NRG3: variants seen among roughly 807,000 people sequenced by gnomAD.
The protein encoded by NRG3 is pro-neuregulin-3, membrane-bound isoform.
In NRG3, 31 loss-of-function variants were observed where a neutral mutation model predicts 66.9. The observed-to-expected ratio is 0.46, with a 90% CI of 0.35 to 0.63. The LOEUF is 0.63. Ranked by LOEUF, NRG3 falls within the 20% of genes least tolerant of loss-of-function variation. NRG3 has a pLI of 0.00. For missense variants in NRG3, 910 were observed against 878.9 expected (o/e 1.04, Z -0.45); for synonymous variants, 393 against 359.4 (o/e 1.09, Z -1.06).
intron 1 of NRG3, among the ~76,000 whole-genome samples, chr10:82,346,814 A>G (rs2083058335): frequency 6.6e-6 from 1 of 152,016 alleles, no homozygotes; most frequent in Non-Finnish European, 1.5e-5. Flanking sequence ...GTGTCAAGGA[A>G]TTTATCCATT....
chr10:82,568,305 C>G (rs1408669405), intron 2 of NRG3, among the ~76,000 whole-genome samples: 4 of 151,872 alleles, frequency 2.6e-5, no homozygotes, highest in African/African-American at 9.7e-5. Flanking sequence ...TTAGTGTGAG[C>G]TACCTATCAG....
intron 2 of NRG3, among the ~76,000 whole-genome samples, chr10:82,674,786 C>T (rs2053550073): frequency 6.6e-6 from 1 of 151,574 alleles, no homozygotes; most frequent in Non-Finnish European, 1.5e-5. Context: ...ATTCTTTAAC[C>T]ACCTGATGGG....
intron 1 of NRG3, among the ~76,000 whole-genome samples, chr10:82,091,323 C>G (rs1036660366): frequency 6.6e-6 from 1 of 152,154 alleles, no homozygotes; most frequent in South Asian, 2.1e-4. Flanking sequence ...CCTTCTCCTC[C>G]TCCTCATGCC....
intron 1 of NRG3, among the ~76,000 whole-genome samples, chr10:82,142,766 C>CTT (rs3036609): frequency 0.14 from 15,522 of 110,550 alleles, 1,739 homozygotes; most frequent in African/African-American, 0.18. Flanking sequence ...CTCTCTCGCT[C>CTT]TTTTTTTTTT....
chr10:82,517,663 GTGTGTGCA>G (rs1244301335), intron 2 of NRG3, among the ~76,000 whole-genome samples: 2 of 122,516 alleles, frequency 1.6e-5, no homozygotes, highest in East Asian at 2.8e-4. Context: ...GTGTGTGTGT[GTGTGTGCA>G]TGTGTGTGTG....
chr10:82,613,762 G>A (rs1231146826), intron 2 of NRG3, among the ~76,000 whole-genome samples: 1 of 151,226 alleles, frequency 6.6e-6, no homozygotes, highest in East Asian at 2.0e-4. Context: ...ATGTATACAT[G>A]TGCCACGCTG....
intron 2 of NRG3, among the ~76,000 whole-genome samples, chr10:82,633,026 T>C (rs1285380972): frequency 6.6e-6 from 1 of 152,206 alleles, no homozygotes; most frequent in African/African-American, 2.4e-5. Context: ...CACTCTGCCA[T>C]TGACAGGTTT....
intron 2 of NRG3, among the ~76,000 whole-genome samples, chr10:82,409,490 G>GA (rs2087883069): frequency 1.7e-5 from 1 of 59,542 alleles, no homozygotes; most frequent in African/African-American, 2.4e-4. Context: ...ATGAGTCTGA[G>GA]CTGGGTAGAA....
At chr10:82,560,813 G>A (rs1012660624) in intron 2 of NRG3, among the ~76,000 whole-genome samples, 7 of 151,402 alleles carry the variant, frequency 4.6e-5, no homozygotes, top group Non-Finnish European at 8.9e-5. Flanking sequence ...AATAAGAAAC[G>A]ACTGGTTTAT....
At chr10:82,871,300 A>G (rs1841318656) in intron 4 of NRG3, among the ~76,000 whole-genome samples, 1 of 150,788 alleles carries the variant, frequency 6.6e-6, no homozygotes, top group African/African-American at 2.4e-5. Context: ...TTTTTTTGCC[A>G]ATACTATACT....
At chr10:82,755,219 C>T (rs774385222) in intron 3 of NRG3, among the ~76,000 whole-genome samples, 1 of 152,004 alleles carries the variant, frequency 6.6e-6, no homozygotes, top group Non-Finnish European at 1.5e-5. Flanking sequence ...TGAAATAGAC[C>T]CTGTAGCCAG....
intron 1 of NRG3, among the ~76,000 whole-genome samples, chr10:82,076,465 AC>A (rs1366522320): frequency 5.3e-5 from 8 of 152,246 alleles, no homozygotes; most frequent in African/African-American, 1.9e-4. Context: ...TCAGGAATAA[AC>A]CTGTTGATAT....
intron 1 of NRG3, among the ~76,000 whole-genome samples, chr10:82,191,041 A>G (rs2074113521): frequency 6.6e-6 from 1 of 151,908 alleles, no homozygotes; most frequent in Non-Finnish European, 1.5e-5. Flanking sequence ...GTCACATGTC[A>G]CCCCCAGTCA....
At chr10:81,965,675 A>T (rs2059705221) in intron 1 of NRG3, among the ~76,000 whole-genome samples, 1 of 152,150 alleles carries the variant, frequency 6.6e-6, no homozygotes, top group Non-Finnish European at 1.5e-5. Context: ...GCTGATACAA[A>T]TGGGATCTTA....
intron 2 of NRG3, among the ~76,000 whole-genome samples, chr10:82,411,252 G>A (rs1436699486): frequency 6.6e-6 from 1 of 152,128 alleles, no homozygotes; most frequent in East Asian, 1.9e-4. Context: ...TATTTATAAG[G>A]AGGAAAGGAA....
At chr10:82,719,918 G>A (rs573245865) in intron 2 of NRG3, among the ~76,000 whole-genome samples, 5 of 152,232 alleles carry the variant, frequency 3.3e-5, no homozygotes, top group Non-Finnish European at 7.4e-5. Flanking sequence ...TGAGAGATTA[G>A]GATATTAGTA....
intron 1 of NRG3, among the ~76,000 whole-genome samples, chr10:81,972,135 CTG>C (rs371211346): frequency 1.8e-4 from 27 of 152,206 alleles, no homozygotes; most frequent in South Asian, 4.1e-4. Flanking sequence ...TAGACTAACA[CTG>C]TTTGAATACC....
chr10:82,746,501 G>C (rs1326098143), intron 3 of NRG3, among the ~76,000 whole-genome samples: 3 of 152,116 alleles, frequency 2.0e-5, no homozygotes, highest in Admixed American at 6.5e-5. Context: ...TTGTGCCCTG[G>C]GAGAGCTGGG....
At chr10:82,618,943 T>G (rs2048851318) in intron 2 of NRG3, among the ~76,000 whole-genome samples, 1 of 151,572 alleles carries the variant, frequency 6.6e-6, no homozygotes, top group South Asian at 2.1e-4. Context: ...TTTTTTTTTA[T>G]TTAATTTTAT....
Sources: allele counts gnomAD v4.1 joint callset (sites outside exome capture counted in the v4.1 genomes callset), GRCh38; gene constraint gnomAD v4.1.1; transcripts MANE v1.5; gene names NCBI Gene and HGNC (gene_info 2026-07-23, HGNC 2026-07-21).